SMC6: variants seen among roughly 807,000 people sequenced by gnomAD.
The protein encoded by SMC6 is structural maintenance of chromosomes 6, also known as structural maintenance of chromosomes protein 6.
Under a neutral mutation model 142.2 loss-of-function variants are expected in SMC6, and 79 were observed. That is an observed-to-expected ratio of 0.56 (90% CI 0.46 to 0.67). SMC6 has a LOEUF of 0.67. Among genes scored for constraint, SMC6 ranks in the 30% least tolerant of loss-of-function variants. The pLI is 0.00. For missense variants in SMC6, 1,072 were observed against 1,284.0 expected (o/e 0.83, Z 2.52); for synonymous variants, 411 against 412.4 (o/e 1.00, Z 0.04).
intron 18 of SMC6, among the ~76,000 whole-genome samples, chr2:17,704,447 C>T (rs1158541771): frequency 2.6e-5 from 4 of 152,160 alleles, no homozygotes; most frequent in Admixed American, 6.5e-5. Flanking sequence ...AGTCTCCATA[C>T]AGCAGAGTCA....
chr2:17,680,826 A>G (rs1296808710), intron 24 of SMC6: 1 of 152,202 alleles, frequency 6.6e-6, no homozygotes, highest in Non-Finnish European at 1.5e-5. Context: ...ACAATTCTTA[A>G]GGGTCCTAGG....
intron 25 of SMC6, among the ~76,000 whole-genome samples, chr2:17,678,464 T>C (rs1301798035): frequency 6.6e-6 from 1 of 152,092 alleles, no homozygotes; most frequent in Non-Finnish European, 1.5e-5. Flanking sequence ...TTTATCAATG[T>C]TTTATCAAAA....
intron 24 of SMC6, chr2:17,681,553 C>T (rs903177045): frequency 6.6e-6 from 1 of 152,122 alleles, no homozygotes; most frequent in Non-Finnish European, 1.5e-5. Context: ...CACTGTAAGG[C>T]TATTAACTAG....
chr2:17,703,050 C>A (rs1028753802), intron 19 of SMC6, 107 bp downstream of exon 19: 2 of 676,794 alleles, frequency 3.0e-6, no homozygotes, highest in East Asian at 5.8e-5. Context: ...GGGCTTGAGG[C>A]CAAAAGGTTT....
At chr2:17,721,712 T>A (rs1263721934) in intron 9 of SMC6, among the ~76,000 whole-genome samples, 2 of 151,894 alleles carry the variant, frequency 1.3e-5, no homozygotes, top group Non-Finnish European at 2.9e-5. Flanking sequence ...TTTTTTTTTT[T>A]TTGAGACAGA....
At chr2:17,688,902 A>G (rs1355146853) in intron 23 of SMC6, among the ~76,000 whole-genome samples, 1 of 152,206 alleles carries the variant, frequency 6.6e-6, no homozygotes, top group Admixed American at 6.5e-5. Flanking sequence ...TGAAGGATGC[A>G]ACAGAATTGA....
At position 17,666,542 on chromosome 2, in the gene SMC6, GATTGCTATTGTGTAAGT is replaced by G; in HGVS notation, c.3064-42_3064-26del. On this transcript the variant is annotated intron_variant, in intron 26 of 27. Transcript: ENST00000448223. ...CCTGAAAAACAAAGGCAAAAGTTAG[GATTGCTATTGTGTAAGT>G]CACATTTCTGTAAAAGCAGCATTCT... 4 of 1,537,894 alleles carry G rather than the reference GATTGCTATTGTGTAAGT, an allele frequency of 2.6e-6. No individual in the cohort carries two copies. The South Asian group carries it at 4.5e-5, about 17-fold the overall frequency.
chr2:17,706,237 T>A (rs1011671067), intron 18 of SMC6, among the ~76,000 whole-genome samples: 29 of 152,308 alleles, frequency 1.9e-4, no homozygotes, highest in African/African-American at 5.8e-4. Flanking sequence ...ATTTTTTTTA[T>A]GAACCACGCT....
At chr2:17,738,145 T>C in intron 5 of SMC6, 76 bp downstream of exon 5, 1 of 1,066,142 alleles carries the variant, frequency 9.4e-7, no homozygotes, top group Non-Finnish European at 1.4e-6. Context: ...CAGTCATGTC[T>C]ATGTGAACTG....
At position 17,714,876 on chromosome 2, in the gene SMC6, T is replaced by C. The variant is rs1669001914; in HGVS notation, c.1715A>G (p.Tyr572Cys). ...IIVSEFRNEI[Y>C]DVRHRAAYHP... is the part of the protein sequence containing the mutation. The stretch of plus-strand genomic sequence containing the variant: ...AATGCCTTACCTGTGTCTTACATCA[T>C]ATATCTCATTCCGAAACTCAGAAAC... Residue 572 changes from tyrosine (Y) to cysteine (C), a missense_variant, in exon 16 of 28, where the codon TAT becomes TGT. This residue lies in a region of SMC6 where 994 missense variants were observed against 1,153.2 expected (regional missense o/e 0.86). Coordinates refer to ENST00000448223, the MANE Select transcript of SMC6 (RefSeq NM_001142286.2). The C allele has an allele frequency of 6.2e-7, 1 of 1,612,842 alleles. No individual in the cohort carries two copies. The highest frequency in any genetic ancestry group is 8.5e-7 in the Non-Finnish European group (1 of 1,179,678).
At chr2:17,720,821 A>G (rs998370732) in intron 11 of SMC6, 119 bp downstream of exon 11, 4 of 847,908 alleles carry the variant, frequency 4.7e-6, no homozygotes, top group Non-Finnish European at 7.2e-6. Flanking sequence ...TAAGCAATCA[A>G]TTCAAATATA....
intron 4 of SMC6, among the ~76,000 whole-genome samples, chr2:17,739,808 T>G (rs867646035): frequency 7.2e-6 from 1 of 138,402 alleles, no homozygotes; most frequent in Non-Finnish European, 1.5e-5. Context: ...GAGAGAGAGA[T>G]CCTTTCTCTT....
chr2:17,696,320 C>T lies in SMC6; in HGVS notation c.2501G>A (p.Arg834Gln), dbSNP rs372372204. Residue 834 changes from arginine (R) to glutamine (Q), a missense_variant, in exon 22 of 28, where the codon CGA becomes CAA. Arg to Gln is a conservative substitution (Grantham distance 43). This residue lies in a region of SMC6 where 994 missense variants were observed against 1,153.2 expected (regional missense o/e 0.86). Transcript: ENST00000448223. ...EHLDTLNKKKRELDMKEKELE... is the reference protein window; with the variant it reads ...EHLDTLNKKKQELDMKEKELE... ...TTCTTTCTCTTTCATATCCAGTTCT[C>T]GTTTCTTTTTATTTAAGGTATCCAA... is the stretch of plus-strand genomic sequence containing the variant. 12 of 1,599,324 alleles carry T rather than the reference C, an allele frequency of 7.5e-6. No individual in the cohort carries two copies. The highest frequency in any genetic ancestry group is 5.4e-5 in the African/African-American group (4 of 73,502).
rs1666499898 is a variant in SMC6, at chr2:17,666,444, A to T, written c.3137T>A (p.Ile1046Asn). 1 of 1,613,688 alleles carries T rather than the reference A, an allele frequency of 6.2e-7. No individual in the cohort carries two copies. Among genetic ancestry groups the T allele is most frequent in the Non-Finnish European group, 8.5e-7 (1 of 1,179,890 alleles). The change falls in exon 27 of 28, where the codon ATC (isoleucine) becomes AAC (asparagine). Residue 1046 changes from isoleucine (I) to asparagine (N), a missense_variant. Physicochemically the swap from Ile to Asn is moderately radical, Grantham distance 149 (BLOSUM62 -3). Around this residue, in one of 3 missense-constraint regions of SMC6, gnomAD observed 76 missense variants for 112.3 expected, o/e 0.68. Transcript: ENST00000448223. ...MADSQRFRQF[I>N]LLTPQSMSSL... ...CCTCATGCTTTGAGGTGTGAGCAAG[A>T]TAAACTGTCTAAAACGCTGGGAATC...
At chr2:17,742,821 T>C (rs1670546286) in intron 3 of SMC6, among the ~76,000 whole-genome samples, 2 of 152,216 alleles carry the variant, frequency 1.3e-5, no homozygotes, top group African/African-American at 4.8e-5. Flanking sequence ...CCGCCCATTG[T>C]AACATCTTGC....
intron 7 of SMC6, 139 bp downstream of exon 7, chr2:17,730,939 A>G: frequency 1.5e-6 from 1 of 685,522 alleles, no homozygotes; most frequent in Non-Finnish European, 2.6e-6. Flanking sequence ...AAACAACTTC[A>G]TTGATAATAG....
rs1401158391 is a variant in SMC6 at position 17,727,307 on chromosome 2, G to GA, written c.544-839dup. ...GTGTGGTTGGAATATAAAGCAGGCG[G>GA]AAAAAACGTGAAAAGACTAGACTGG... On this transcript the variant is annotated intron_variant, in intron 7 of 27. Transcript: ENST00000448223. Among the ~76,000 whole-genome samples the GA allele has an allele frequency of 5.3e-5, 8 of 152,060 alleles. No homozygotes were observed. The East Asian group carries it at 5.8e-4, about 11-fold the overall frequency.
chr2:17,682,371 C>T (rs1667273637), intron 24 of SMC6, among the ~76,000 whole-genome samples: 1 of 152,178 alleles, frequency 6.6e-6, no homozygotes, highest in African/African-American at 2.4e-5. Context: ...CAATGCCCCA[C>T]ACTGCTCTTC....
chr2:17,724,007 C>T (rs1669496950), intron 9 of SMC6, among the ~76,000 whole-genome samples: 2 of 152,088 alleles, frequency 1.3e-5, no homozygotes, highest in South Asian at 2.1e-4. Flanking sequence ...TTCATAATTA[C>T]AATATCTTTA....
Sources: allele counts gnomAD v4.1 joint callset (sites outside exome capture counted in the v4.1 genomes callset), GRCh38; gene constraint gnomAD v4.1.1; regional missense constraint gnomAD v4.1.1; transcripts MANE v1.5; gene names NCBI Gene and HGNC (gene_info 2026-07-23, HGNC 2026-07-21).